Variants in ITGBL1 observed in about 807,000 individuals in gnomAD.
The protein encoded by ITGBL1 is integrin beta-like protein 1.
Under a neutral mutation model 68.5 loss-of-function variants are expected in ITGBL1, and 51 were observed. The ratio of observed to expected loss-of-function variants is 0.74; its 90% CI spans 0.59 to 0.94. ITGBL1 has a LOEUF of 0.94. ITGBL1 is among the 40% of genes least tolerant of loss of function. The pLI is 0.00. For missense variants in ITGBL1, 649 were observed against 647.4 expected, an observed-to-expected ratio of 1.00 and a Z score of -0.03; for synonymous variants, 209 against 227.3, an observed-to-expected ratio of 0.92 and a Z score of 0.72.
chr13:101,627,886 A>G (rs546682669), intron 7 of ITGBL1, among the ~76,000 whole-genome samples: 2 of 152,316 alleles, frequency 1.3e-5, no homozygotes, highest in African/African-American at 4.8e-5. Context: ...AGTTTCGGCA[A>G]TTATAATGTA....
intron 7 of ITGBL1, among the ~76,000 whole-genome samples, chr13:101,661,395 C>T (rs1294729090): frequency 1.3e-5 from 2 of 152,172 alleles, no homozygotes; most frequent in African/African-American, 2.4e-5. Flanking sequence ...GACACCTACT[C>T]CCCGGCTTAC....
chr13:101,628,759 C>T (rs1161704461), intron 7 of ITGBL1, among the ~76,000 whole-genome samples: 2 of 151,394 alleles, frequency 1.3e-5, no homozygotes, highest in Non-Finnish European at 2.9e-5. Context: ...TATTTCAATG[C>T]TTTTTACATG....
chr13:101,501,233 A>G (rs1471753394), intron 2 of ITGBL1, among the ~76,000 whole-genome samples: 2 of 152,184 alleles, frequency 1.3e-5, no homozygotes, highest in Non-Finnish European at 2.9e-5. Flanking sequence ...AATTCCTCCC[A>G]TATTTCCTGA....
At chr13:101,604,874 A>ATATATATATATATATATATATG (rs2030614967) in intron 7 of ITGBL1, among the ~76,000 whole-genome samples, 1 of 42,044 alleles carries the variant, frequency 2.4e-5, no homozygotes, top group Non-Finnish European at 5.0e-5. Flanking sequence ...ATATATATAT[A>ATATATATATATATATATATATG]TATATATATA....
chr13:101,708,585 A>G (rs1261512513), intron 9 of ITGBL1, among the ~76,000 whole-genome samples: 1 of 152,194 alleles, frequency 6.6e-6, no homozygotes, highest in Non-Finnish European at 1.5e-5. Context: ...TGTGTCCCCT[A>G]AACAGTAGCT....
rs554672753 is a variant in ITGBL1 at position 101,583,858 on chromosome 13, G to A, written c.868+502G>A. Among the ~76,000 whole-genome samples, 1,405 of 152,248 alleles carry A rather than the reference G, an allele frequency of 9.2e-3. 26 individuals carry two copies. Among genetic ancestry groups the A allele is most frequent in the Middle Eastern group, 0.034 (10 of 294 alleles). ...CAAAGTTGGCAAAGACTAGAGATGA[G>A]AGGGCACCCACTCTTTTAAAGTTAG... On this transcript the variant is annotated intron_variant, in intron 6 of 10. Coordinates refer to ENST00000376180, the MANE Select transcript of ITGBL1 (RefSeq NM_004791.3).
intron 2 of ITGBL1, among the ~76,000 whole-genome samples, chr13:101,546,355 T>C (rs1467365390): frequency 4.6e-5 from 7 of 152,138 alleles, no homozygotes; most frequent in African/African-American, 1.7e-4. Context: ...GGTTTATATG[T>C]ACACTTTAGT....
At chr13:101,545,067 A>G (rs931989934) in intron 2 of ITGBL1, among the ~76,000 whole-genome samples, 21 of 152,118 alleles carry the variant, frequency 1.4e-4, no homozygotes, top group African/African-American at 5.1e-4. Context: ...TCCTGCACCC[A>G]CTTTCCAACA....
intron 2 of ITGBL1, among the ~76,000 whole-genome samples, chr13:101,458,035 A>T (rs1337028473): frequency 6.6e-6 from 1 of 152,206 alleles, no homozygotes; most frequent in African/African-American, 2.4e-5. Flanking sequence ...ATTGAATTCA[A>T]TTTAGCAACA....
At chr13:101,669,034 C>T (rs1186722519) in intron 7 of ITGBL1, among the ~76,000 whole-genome samples, 1 of 151,686 alleles carries the variant, frequency 6.6e-6, no homozygotes, top group Non-Finnish European at 1.5e-5. Flanking sequence ...GAAATTAAAG[C>T]TACAAAGAGT....
intron 2 of ITGBL1, among the ~76,000 whole-genome samples, chr13:101,487,921 G>A (rs2048723169): frequency 6.6e-6 from 1 of 152,332 alleles, no homozygotes; most frequent in South Asian, 2.1e-4. Flanking sequence ...CTAGGTTTGT[G>A]TTCAGTGTGA....
intron 2 of ITGBL1, among the ~76,000 whole-genome samples, chr13:101,460,244 C>T (rs946397508): frequency 2.0e-5 from 3 of 152,172 alleles, no homozygotes; most frequent in Admixed American, 6.5e-5. Context: ...GCACCAAGCA[C>T]GTAAGAATAT....
chr13:101,509,747 C>T (rs2049085419), intron 2 of ITGBL1, among the ~76,000 whole-genome samples: 1 of 152,110 alleles, frequency 6.6e-6, no homozygotes, highest in Non-Finnish European at 1.5e-5. Context: ...ACAGAAATGA[C>T]TTCCCATAGT....
intron 2 of ITGBL1, among the ~76,000 whole-genome samples, chr13:101,475,865 T>C (rs563597205): frequency 3.5e-4 from 53 of 152,096 alleles, no homozygotes; most frequent in Non-Finnish European, 5.7e-4. Flanking sequence ...GAAAATATCC[T>C]TCAAACATAA....
chr13:101,461,976 A>G (rs2048324189), intron 2 of ITGBL1, among the ~76,000 whole-genome samples: 2 of 152,178 alleles, frequency 1.3e-5, no homozygotes, highest in African/African-American at 4.8e-5. Flanking sequence ...TGAAGACTCT[A>G]GGAGAGAATC....
At chr13:101,697,658 G>A (rs751169064) in intron 8 of ITGBL1, among the ~76,000 whole-genome samples, 5 of 152,062 alleles carry the variant, frequency 3.3e-5, no homozygotes, top group Non-Finnish European at 7.4e-5. Context: ...CTCTGCTTTG[G>A]TTTACCTATG....
intron 7 of ITGBL1, among the ~76,000 whole-genome samples, chr13:101,647,867 T>G (rs1566774284): frequency 1.3e-5 from 2 of 152,142 alleles, no homozygotes; most frequent in African/African-American, 4.8e-5. Context: ...GATTAGAGAA[T>G]AAGAAGCCAA....
At chr13:101,615,630 T>A (rs2031318799) in intron 7 of ITGBL1, among the ~76,000 whole-genome samples, 1 of 151,794 alleles carries the variant, frequency 6.6e-6, no homozygotes, top group Non-Finnish European at 1.5e-5. Flanking sequence ...ATGGTGCTCT[T>A]ACAAAAGAGA....
intron 2 of ITGBL1, among the ~76,000 whole-genome samples, chr13:101,525,841 G>T (rs923749765): frequency 6.6e-6 from 1 of 151,752 alleles, no homozygotes; most frequent in East Asian, 1.9e-4. Flanking sequence ...AAATATATAT[G>T]CATATATACA....
Sources: gnomAD v4.1 joint callset for allele counts (sites outside exome capture counted in the v4.1 genomes callset) on GRCh38, gnomAD v4.1.1 for gene constraint, MANE v1.5 for transcripts, NCBI Gene and HGNC (gene_info 2026-07-23, HGNC 2026-07-21) for gene names.